Variants in BMP2K observed in about 807,000 individuals in gnomAD.
BMP2K encodes BMP2 inducible kinase, also known as BMP-2-inducible protein kinase.
In BMP2K, 74 loss-of-function variants were observed where a neutral mutation model predicts 116.0. The observed-to-expected ratio is 0.64, with a 90% confidence interval of 0.53 to 0.77. The LOEUF is 0.77. BMP2K is among the 30% of genes least tolerant of loss of function. The pLI is 0.00. For missense variants in BMP2K, 1,365 were observed against 1,403.6 expected (o/e 0.97, Z 0.44); for synonymous variants, 486 against 502.5 (o/e 0.97, Z 0.44).
chr4:78,818,399 G>T (rs544153437), intron 1 of BMP2K, among the ~76,000 whole-genome samples: 1 of 152,130 alleles, frequency 6.6e-6, no homozygotes, highest in African/African-American at 2.4e-5. Context: ...AAGCATTCCT[G>T]TTTCTCCACA....
At chr4:78,892,490 G>C (rs1003805358) in intron 15 of BMP2K, among the ~76,000 whole-genome samples, 2 of 152,204 alleles carry the variant, frequency 1.3e-5, no homozygotes, top group East Asian at 3.9e-4. Context: ...ACTTGCTAAG[G>C]TATTAATCTC....
At chr4:78,797,686 C>T (rs1728364608) in intron 1 of BMP2K, among the ~76,000 whole-genome samples, 1 of 152,062 alleles carries the variant, frequency 6.6e-6, no homozygotes. Flanking sequence ...TAAAGTTATT[C>T]TTCATTTAGG....
chr4:78,877,068 G>A (rs1296367783), intron 13 of BMP2K, among the ~76,000 whole-genome samples: 1 of 152,078 alleles, frequency 6.6e-6, no homozygotes, highest in African/African-American at 2.4e-5. Context: ...CATCTGTATA[G>A]GGCACTTACC....
chr4:78,831,314 G>A (rs1449340881), intron 2 of BMP2K, among the ~76,000 whole-genome samples: 5 of 152,206 alleles, frequency 3.3e-5, no homozygotes, highest in African/African-American at 1.2e-4. Context: ...GTTTGAAATA[G>A]TATGAGAATT....
intron 15 of BMP2K, among the ~76,000 whole-genome samples, chr4:78,891,972 G>C (rs919229366): frequency 6.6e-6 from 1 of 152,160 alleles, no homozygotes; most frequent in Non-Finnish European, 1.5e-5. Context: ...CAACCTAGTT[G>C]ACCATGATTT....
intron 14 of BMP2K, among the ~76,000 whole-genome samples, chr4:78,880,280 C>T (rs1057047843): frequency 1.1e-4 from 17 of 152,210 alleles, no homozygotes; most frequent in African/African-American, 3.9e-4. Context: ...CCATGTTGGT[C>T]AGGCTGGTCT....
At chr4:78,865,309 T>C (rs1166421087) in intron 9 of BMP2K, among the ~76,000 whole-genome samples, 1 of 152,210 alleles carries the variant, frequency 6.6e-6, no homozygotes, top group Non-Finnish European at 1.5e-5. Flanking sequence ...CTATATTCTT[T>C]TTCTGCTGGT....
chr4:78,904,046 C>G (rs891525593), intron 15 of BMP2K, among the ~76,000 whole-genome samples: 7 of 151,704 alleles, frequency 4.6e-5, no homozygotes, highest in African/African-American at 1.7e-4. Context: ...CTTATGCTTT[C>G]AAGATATAAT....
At chr4:78,834,340 C>T (rs1730356597) in intron 3 of BMP2K, among the ~76,000 whole-genome samples, 1 of 151,518 alleles carries the variant, frequency 6.6e-6, no homozygotes. Flanking sequence ...CGGCTCACTA[C>T]CAGCTCGGCC....
intron 1 of BMP2K, among the ~76,000 whole-genome samples, chr4:78,792,935 G>A (rs1442152157): frequency 1.3e-5 from 2 of 152,066 alleles, no homozygotes; most frequent in African/African-American, 4.8e-5. Context: ...CCTGTGTGAG[G>A]CTAAATTATC....
At chr4:78,848,697 A>G (rs1560527665) in intron 6 of BMP2K, among the ~76,000 whole-genome samples, 1 of 151,480 alleles carries the variant, frequency 6.6e-6, no homozygotes, top group African/African-American at 2.4e-5. Context: ...GAGGTAGCAT[A>G]CTAAATTGTC....
At chr4:78,827,474 C>T (rs984360604) in intron 2 of BMP2K, among the ~76,000 whole-genome samples, 5 of 152,134 alleles carry the variant, frequency 3.3e-5, no homozygotes, top group Non-Finnish European at 5.9e-5. Context: ...ACTGGCATTA[C>T]GTGCCTGTGA....
chr4:78,850,839 TTTTTAAAGTAACA>T, intron 6 of BMP2K, 72 bp from the exon 7 acceptor site: 1 of 1,460,634 alleles, frequency 6.8e-7, no homozygotes, highest in Non-Finnish European at 9.3e-7. Context: ...AAACATGACT[TTTTTAAAGTAACA>T]TTGAGTTTTT....
At chr4:78,889,652 A>C (rs1049799004) in intron 15 of BMP2K, among the ~76,000 whole-genome samples, 1 of 152,116 alleles carries the variant, frequency 6.6e-6, no homozygotes, top group Non-Finnish European at 1.5e-5. Context: ...ATGAAAATAC[A>C]CTCTACTAGC....
At chr4:78,800,626 T>G (rs1728519558) in intron 1 of BMP2K, among the ~76,000 whole-genome samples, 1 of 152,216 alleles carries the variant, frequency 6.6e-6, no homozygotes, top group Admixed American at 6.5e-5. Flanking sequence ...TTTTATTTTG[T>G]ATTCTGTAAT....
intron 15 of BMP2K, among the ~76,000 whole-genome samples, chr4:78,890,918 G>C (rs1210610181): frequency 9.9e-5 from 15 of 152,156 alleles, no homozygotes; most frequent in Non-Finnish European, 4.4e-5. Flanking sequence ...GCCTAGGCTG[G>C]GTGGGGTGGC....
At chr4:78,779,525 G>T (rs539810605) in intron 1 of BMP2K, among the ~76,000 whole-genome samples, 3 of 152,170 alleles carry the variant, frequency 2.0e-5, no homozygotes, top group African/African-American at 7.2e-5. Context: ...GCTGAAACTA[G>T]AATGTGCACG....
At chr4:78,777,701 A>G (rs1727311794) in intron 1 of BMP2K, among the ~76,000 whole-genome samples, 1 of 152,204 alleles carries the variant, frequency 6.6e-6, no homozygotes. Flanking sequence ...AAAAAAATCG[A>G]AGAGTGGATT....
intron 1 of BMP2K, among the ~76,000 whole-genome samples, chr4:78,813,892 G>T (rs1267248923): frequency 2.0e-5 from 3 of 152,136 alleles, no homozygotes; most frequent in Non-Finnish European, 2.9e-5. Context: ...GCTCACAAGG[G>T]CAGTTCTCTG....
Sources: allele counts gnomAD v4.1 joint callset (sites outside exome capture counted in the v4.1 genomes callset), GRCh38; gene constraint gnomAD v4.1.1; transcripts MANE v1.5; gene names NCBI Gene and HGNC (gene_info 2026-07-23, HGNC 2026-07-21).